Variants in GIPC2 observed in about 807,000 individuals in gnomAD.
The protein encoded by GIPC2 is GIPC PDZ domain containing family member 2.
A neutral mutation model predicts 30.6 loss-of-function variants in GIPC2; 30 were observed. The ratio of observed to expected loss-of-function variants is 0.98; its 90% confidence interval spans 0.73 to 1.33. GIPC2 has a LOEUF of 1.33. Among genes scored for constraint, GIPC2 ranks in the 40% most tolerant of loss-of-function variants. The probability of loss-of-function intolerance (pLI) is 0.00; values close to 1 mark genes in which losing one functional copy is unlikely to be tolerated. For missense variants in GIPC2, 414 were observed against 390.3 expected, an observed-to-expected ratio of 1.06 and a Z score of -0.51; for synonymous variants, 167 against 150.0, an observed-to-expected ratio of 1.11 and a Z score of -0.83.
Position 78,052,123 on chromosome 1 carries a change from T to C in GIPC2, c.240+5789T>C, listed in dbSNP as rs1042299955. ...ATGCTGGAGCCTTAAGACTTTTGCATTGGTTTTTGCCTCCGCCAGAACCTC... is the reference window on the plus strand; with the variant it reads ...ATGCTGGAGCCTTAAGACTTTTGCACTGGTTTTTGCCTCCGCCAGAACCTC... On this transcript the variant is annotated intron_variant, in intron 1 of 5. Coordinates refer to ENST00000370759, the MANE Select transcript of GIPC2 (RefSeq NM_017655.6). Among the ~76,000 whole-genome samples the C allele has an allele frequency of 5.3e-5, 8 of 152,288 alleles. No homozygotes were observed. The South Asian group carries it at 1.5e-3, about 28-fold the overall frequency.
intron 2 of GIPC2, among the ~76,000 whole-genome samples, chr1:78,083,761 T>C (rs909927585): frequency 2.0e-5 from 3 of 152,230 alleles, no homozygotes; most frequent in Non-Finnish European, 4.4e-5. Context: ...ATTATATTGA[T>C]GCTCAAATTT....
At chr1:78,079,445 G>A (rs917117009) in intron 1 of GIPC2, among the ~76,000 whole-genome samples, 7 of 152,198 alleles carry the variant, frequency 4.6e-5, no homozygotes, top group African/African-American at 1.7e-4. Context: ...CTATTTCTGA[G>A]TGGGATGCAG....
At chr1:78,123,448 G>A (rs982801898) in intron 4 of GIPC2, among the ~76,000 whole-genome samples, 1 of 151,998 alleles carries the variant, frequency 6.6e-6, no homozygotes, top group African/African-American at 2.4e-5. Flanking sequence ...TGAGGCTAGA[G>A]GCATAGGCTG....
At chr1:78,051,674 A>G (rs958632249) in intron 1 of GIPC2, among the ~76,000 whole-genome samples, 3 of 151,972 alleles carry the variant, frequency 2.0e-5, no homozygotes, top group Admixed American at 6.5e-5. Context: ...TAATTTTTGT[A>G]TTTTTAGTAG....
Position 78,046,266 on chromosome 1 carries a change from G to A in GIPC2, c.172G>A (p.Glu58Lys). Residue 58 changes from glutamate to lysine, a missense_variant, in exon 1 of 6, where the codon GAG becomes AAG. Transcript: ENST00000370759. Reference protein sequence around the residue: ...LAHGSATGRVEGFSSIQELYA... With the variant: ...LAHGSATGRVKGFSSIQELYA... ...GCACGGTAGTGCCACGGGCCGAGTGGAGGGCTTCTCCAGCATCCAGGAGCT... is the reference window on the plus strand; with the variant it reads ...GCACGGTAGTGCCACGGGCCGAGTGAAGGGCTTCTCCAGCATCCAGGAGCT... 2 of 1,611,856 alleles carry A rather than the reference G, an allele frequency of 1.2e-6. No homozygotes were observed. Among genetic ancestry groups the A allele is most frequent in the African/African-American group, 1.3e-5 (1 of 74,906 alleles).
At chr1:78,107,643 G>A (rs940486025) in intron 3 of GIPC2, among the ~76,000 whole-genome samples, 2 of 151,488 alleles carry the variant, frequency 1.3e-5, no homozygotes, top group African/African-American at 2.4e-5. Context: ...TGGCTAACAG[G>A]GTGAAACCCC....
rs79198233 is a variant in GIPC2 at position 78,102,983 on chromosome 1, A to G, written c.607+7851A>G. 6.0e-3 allele frequency among the ~76,000 whole-genome samples: 914 copies of G among 152,348 alleles called. 10 individuals are homozygous for G. Among genetic ancestry groups the G allele is most frequent in the African/African-American group, 0.021 (882 of 41,580 alleles). ...CTAAGGAAATATGTCAGTACATCAT[A>G]ATAGTAGCTGCCATTCGCTTTTCCT... On this transcript the variant is annotated intron_variant, in intron 3 of 5. Transcript: ENST00000370759.
Position 78,119,472 on chromosome 1 carries a change from A to G in GIPC2, c.687A>G (p.Ser229=). 1 of 1,609,936 alleles carries G rather than the reference A, an allele frequency of 6.2e-7. No individual in the cohort carries two copies. Among genetic ancestry groups the G allele is most frequent in the Admixed American group, 1.7e-5 (1 of 60,002 alleles). The part of the protein sequence containing the change: ...GCGRATLRLR[S]KGPATVEEMP... The stretch of plus-strand genomic sequence containing the variant: ...GAAGGGCAACACTTCGCCTGAGATC[A>G]AAAGGTCCTGCCACCGTGGAAGAAA... Residue 229 remains serine (S), a synonymous_variant, in exon 4 of 6, where the codon TCA becomes TCG. Transcript: ENST00000370759.
At chr1:78,120,728 G>A (rs944839864) in intron 4 of GIPC2, among the ~76,000 whole-genome samples, 7 of 152,166 alleles carry the variant, frequency 4.6e-5, no homozygotes, top group African/African-American at 1.2e-4. Context: ...TTATAAAACC[G>A]TCAGATCTTG....
intron 1 of GIPC2, among the ~76,000 whole-genome samples, chr1:78,078,480 C>T (rs1661760906): frequency 6.6e-6 from 1 of 152,170 alleles, no homozygotes; most frequent in Non-Finnish European, 1.5e-5. Context: ...AAAGATATAG[C>T]TGGCTCCATT....
At chr1:78,116,345 C>G (rs1662566075) in intron 3 of GIPC2, among the ~76,000 whole-genome samples, 1 of 152,100 alleles carries the variant, frequency 6.6e-6, no homozygotes, top group Non-Finnish European at 1.5e-5. Context: ...AACCATATCA[C>G]CTAGGTTCTT....
At chr1:78,101,788 A>G (rs1261626767) in intron 3 of GIPC2, among the ~76,000 whole-genome samples, 1 of 152,136 alleles carries the variant, frequency 6.6e-6, no homozygotes, top group Non-Finnish European at 1.5e-5. Flanking sequence ...TCCTTTTGCC[A>G]ATGAAAAGGA....
At chr1:78,073,493 G>A (rs1205873331) in intron 1 of GIPC2, among the ~76,000 whole-genome samples, 1 of 152,112 alleles carries the variant, frequency 6.6e-6, no homozygotes, top group African/African-American at 2.4e-5. Flanking sequence ...AATTTTGGGG[G>A]TAGATTGAGA....
intron 5 of GIPC2, among the ~76,000 whole-genome samples, chr1:78,131,447 A>T (rs1181954110): frequency 6.6e-6 from 1 of 152,056 alleles, no homozygotes; most frequent in Non-Finnish European, 1.5e-5. Flanking sequence ...TGATCTCGTG[A>T]TCCACCCGCC....
intron 1 of GIPC2, among the ~76,000 whole-genome samples, chr1:78,068,849 A>G (rs1661567332): frequency 1.3e-5 from 2 of 152,186 alleles, no homozygotes; most frequent in African/African-American, 4.8e-5. Flanking sequence ...CAGTGTCAGC[A>G]CCCAGACTGG....
At chr1:78,067,707 TC>T (rs1440478869) in intron 1 of GIPC2, among the ~76,000 whole-genome samples, 2 of 152,190 alleles carry the variant, frequency 1.3e-5, no homozygotes, top group Non-Finnish European at 2.9e-5. Flanking sequence ...TGCCTTAGCC[TC>T]CCAAAGTGCT....
At chr1:78,122,202 A>G (rs550143147) in intron 4 of GIPC2, among the ~76,000 whole-genome samples, 1 of 152,358 alleles carries the variant, frequency 6.6e-6, no homozygotes, top group Middle Eastern at 3.4e-3. Context: ...GGCAATTAAA[A>G]ATAGCTCATA....
At chr1:78,111,808 C>T (rs1662470699) in intron 3 of GIPC2, among the ~76,000 whole-genome samples, 1 of 152,206 alleles carries the variant, frequency 6.6e-6, no homozygotes. Context: ...TAAATAAGAA[C>T]TTATTCCTCA....
In GIPC2 at chr1:78,046,068, G is replaced by A. The variant is rs1661063837; in HGVS notation, c.-27G>A. ...GAGGAGGCGGCGGACGGCAGCGCAG[G>A]TGGGCCCGCGCTCTCGGCCCTGCAA... On this transcript the variant is annotated 5_prime_UTR_variant, in exon 1 of 6. It adds an upstream start codon to the 5' untranslated region. Coordinates refer to ENST00000370759, the MANE Select transcript of GIPC2 (RefSeq NM_017655.6). The A allele has an allele frequency of 1.4e-6, 2 of 1,409,818 alleles. No homozygotes were observed. Among genetic ancestry groups the A allele is most frequent in the Admixed American group, 3.6e-5 (1 of 27,946 alleles). 87.3% of individuals were successfully genotyped at this position (1,409,818 alleles called of 1,614,324 possible).
Sources: allele counts gnomAD v4.1 joint callset (sites outside exome capture counted in the v4.1 genomes callset), GRCh38; gene constraint gnomAD v4.1.1; transcripts MANE v1.5; gene names NCBI Gene and HGNC (gene_info 2026-07-23, HGNC 2026-07-21).